BEND6: variants seen among roughly 807,000 people sequenced by gnomAD.
The protein encoded by BEND6 is BEN domain containing 6.
BEND6 carries 24 observed loss-of-function variants against 31.8 expected under a neutral mutation model. The ratio of observed to expected loss-of-function variants is 0.75; its 90% CI spans 0.55 to 1.06. The LOEUF (loss-of-function observed/expected upper bound fraction) is 1.06. Ranked by LOEUF, BEND6 falls within the 50% of genes least tolerant of loss-of-function variation. The pLI, the probability that BEND6 is intolerant of heterozygous loss-of-function variation, is 0.00. For synonymous variants in BEND6, 109 were observed against 114.6 expected (o/e 0.95, Z 0.31); for missense variants, 294 against 327.4 (o/e 0.90, Z 0.79).
intron 3 of BEND6, among the ~76,000 whole-genome samples, chr6:56,998,703 G>A (rs1233437384): frequency 3.9e-5 from 1 of 25,848 alleles, no homozygotes; most frequent in Non-Finnish European, 2.6e-4. Flanking sequence ...ACATTGGTCT[G>A]GGAAAGGATT....
intron 1 of BEND6, among the ~76,000 whole-genome samples, chr6:56,969,073 CAA>C (rs56383552): frequency 1.5e-5 from 2 of 130,460 alleles, no homozygotes; most frequent in African/African-American, 2.9e-5. Context: ...GACTCTGTCT[CAA>C]AAAAAAAAAG....
intron 3 of BEND6, among the ~76,000 whole-genome samples, chr6:57,011,715 CAAAAAAAAA>C (rs770049459): frequency 0.014 from 494 of 34,122 alleles, 4 homozygotes; most frequent in African/African-American, 0.05. Flanking sequence ...GGCCCTGTCT[CAAAAAAAAA>C]AAAAAAAAAA....
chr6:56,956,111 G>C (rs946784721), intron 1 of BEND6, among the ~76,000 whole-genome samples: 1 of 152,248 alleles, frequency 6.6e-6, no homozygotes, highest in Non-Finnish European at 1.5e-5. Flanking sequence ...CCAAGGCAAT[G>C]CTGGCTTTCC....
chr6:56,975,228 A>G (rs758850462), intron 1 of BEND6, among the ~76,000 whole-genome samples: 8 of 152,206 alleles, frequency 5.3e-5, no homozygotes, highest in Non-Finnish European at 1.0e-4. Context: ...ATTTTATGTT[A>G]ATTTCTGAAA....
chr6:57,022,160 T>C (rs1381142468), intron 6 of BEND6, among the ~76,000 whole-genome samples: 22 of 142,684 alleles, frequency 1.5e-4, no homozygotes, highest in African/African-American at 5.8e-4. Context: ...CTTTTTTTCT[T>C]TTTCTTTTTT....
At chr6:56,982,703 GAA>G (rs1156412471) in intron 2 of BEND6, among the ~76,000 whole-genome samples, 1 of 151,932 alleles carries the variant, frequency 6.6e-6, no homozygotes, top group African/African-American at 2.4e-5. Flanking sequence ...GGTAAACGGT[GAA>G]AAGTTTCCCT....
intron 3 of BEND6, among the ~76,000 whole-genome samples, chr6:56,996,537 T>C (rs1826720708): frequency 6.6e-6 from 1 of 152,168 alleles, no homozygotes; most frequent in African/African-American, 2.4e-5. Context: ...TGGGCCTCTC[T>C]AACTCATTGT....
intron 2 of BEND6, among the ~76,000 whole-genome samples, chr6:56,991,734 G>A (rs1038022189): frequency 2.0e-5 from 3 of 152,174 alleles, no homozygotes; most frequent in African/African-American, 2.4e-5. Context: ...TATAAAAAAT[G>A]TATAGCTTGA....
At chr6:57,005,802 T>C (rs1827138001) in intron 3 of BEND6, among the ~76,000 whole-genome samples, 1 of 152,168 alleles carries the variant, frequency 6.6e-6, no homozygotes, top group South Asian at 2.1e-4. Flanking sequence ...TTTTTGCTTT[T>C]TTAATAAGTT....
At chr6:56,956,726 G>A (rs904138895) in intron 1 of BEND6, among the ~76,000 whole-genome samples, 1 of 152,182 alleles carries the variant, frequency 6.6e-6, no homozygotes, top group Non-Finnish European at 1.5e-5. Flanking sequence ...CTCAGAGTGG[G>A]TGACAGGTAG....
intron 1 of BEND6, among the ~76,000 whole-genome samples, chr6:56,955,742 G>A (rs935531997): frequency 1.3e-5 from 2 of 152,330 alleles, no homozygotes; most frequent in African/African-American, 2.4e-5. Flanking sequence ...GAAGGGCAAG[G>A]CGATTTCAGA....
chr6:56,989,728 A>G (rs1339574517), intron 2 of BEND6, among the ~76,000 whole-genome samples: 3 of 152,030 alleles, frequency 2.0e-5, no homozygotes, highest in African/African-American at 7.2e-5. Context: ...TATAAGCCCT[A>G]TGGGTTTTCT....
intron 3 of BEND6, among the ~76,000 whole-genome samples, chr6:57,012,040 G>A (rs752844840): frequency 3.9e-5 from 6 of 152,124 alleles, no homozygotes; most frequent in South Asian, 2.1e-4. Flanking sequence ...CCAAAGGATC[G>A]CTTGAACCTG....
At chr6:56,957,529 C>G (rs1825131251) in intron 1 of BEND6, among the ~76,000 whole-genome samples, 1 of 152,176 alleles carries the variant, frequency 6.6e-6, no homozygotes, top group African/African-American at 2.4e-5. Context: ...CCAAGCAGTG[C>G]TTTTTGGAAG....
chr6:56,972,838 A>C (rs776586688), intron 1 of BEND6, among the ~76,000 whole-genome samples: 10 of 152,232 alleles, frequency 6.6e-5, no homozygotes, highest in Non-Finnish European at 7.4e-5. Context: ...AGGCCCAGCA[A>C]GGTTCAGTTT....
At chr6:56,976,800 A>G (rs1825893665) in intron 1 of BEND6, among the ~76,000 whole-genome samples, 1 of 151,252 alleles carries the variant, frequency 6.6e-6, no homozygotes, top group Non-Finnish European at 1.5e-5. Flanking sequence ...ACTGGCCTTA[A>G]GTGATCCGCC....
At chr6:57,005,954 C>A (rs1442650918) in intron 3 of BEND6, among the ~76,000 whole-genome samples, 1 of 152,136 alleles carries the variant, frequency 6.6e-6, no homozygotes, top group Non-Finnish European at 1.5e-5. Flanking sequence ...CTGGCTAATG[C>A]AAGAATCAAC....
intron 3 of BEND6, among the ~76,000 whole-genome samples, chr6:57,012,988 G>C (rs368000312): frequency 1.3e-5 from 2 of 152,142 alleles, no homozygotes; most frequent in Non-Finnish European, 2.9e-5. Flanking sequence ...GATGAATCTT[G>C]ACTTCCTCAG....
At chr6:56,992,827 C>T (rs1826559308) in intron 3 of BEND6, among the ~76,000 whole-genome samples, 1 of 152,090 alleles carries the variant, frequency 6.6e-6, no homozygotes, top group Admixed American at 6.6e-5. Context: ...ATTTATTGAG[C>T]ATTTAATATA....
Sources: allele counts gnomAD v4.1 joint callset (sites outside exome capture counted in the v4.1 genomes callset), GRCh38; gene constraint gnomAD v4.1.1; transcripts MANE v1.5; gene names NCBI Gene and HGNC (gene_info 2026-07-23, HGNC 2026-07-21).